Variants in ALG14 observed in about 807,000 individuals in gnomAD.
The protein encoded by ALG14 is UDP-N-acetylglucosamine transferase subunit ALG14.
In ALG14, 17 loss-of-function variants were observed where a neutral mutation model predicts 22.8. That is an observed-to-expected ratio of 0.75 (90% CI 0.51 to 1.12). The LOEUF (loss-of-function observed/expected upper bound fraction) is 1.12. Ranked by LOEUF, ALG14 falls within the 50% of genes most tolerant of loss-of-function variation. The pLI, the probability that ALG14 is intolerant of heterozygous loss-of-function variation, is 0.00. For synonymous variants in ALG14, 89 were observed against 103.7 expected (o/e 0.86, Z 0.86); for missense variants, 288 against 271.8 (o/e 1.06, Z -0.42).
chr1:95,054,178 T>C (rs2100819407), intron 2 of ALG14, among the ~76,000 whole-genome samples: 1 of 152,294 alleles, frequency 6.6e-6, no homozygotes, highest in Non-Finnish European at 1.5e-5. Flanking sequence ...TAGATCTGTG[T>C]CCCCACCAAA....
At chr1:95,062,454 C>G (rs932448747) in intron 2 of ALG14, among the ~76,000 whole-genome samples, 1 of 152,144 alleles carries the variant, frequency 6.6e-6, no homozygotes, top group East Asian at 1.9e-4. Context: ...CTCCCCCAAC[C>G]CCTCCCTTCA....
At chr1:95,047,810 T>C (rs933409321) in intron 2 of ALG14, among the ~76,000 whole-genome samples, 2 of 152,018 alleles carry the variant, frequency 1.3e-5, no homozygotes, top group African/African-American at 4.8e-5. Context: ...CAAGACCCCA[T>C]CTCTACAAAA....
At position 95,026,442 on chromosome 1, in the gene ALG14, TAGAC is replaced by T. The variant is rs1389655156; in HGVS notation, c.420+683_420+686del. 8.0e-5 allele frequency among the ~76,000 whole-genome samples: 12 copies of T among 150,444 alleles called. No individual in the cohort carries two copies. In the East Asian group the frequency reaches 2.4e-3, roughly 30 times the overall value. On this transcript the variant is annotated intron_variant, in intron 3 of 3. Transcript: ENST00000370205. ...CTAATTTCAATATTGTTGTGTCTCA[TAGAC>T]AGGGAAGCCCAAGGAATGTGTGTGT...
At chr1:95,055,593 T>C (rs1252718804) in intron 2 of ALG14, among the ~76,000 whole-genome samples, 1 of 151,922 alleles carries the variant, frequency 6.6e-6, no homozygotes, top group Non-Finnish European at 1.5e-5. Context: ...ATATAAGTTC[T>C]CCCCAAACTG....
At chr1:95,023,134 A>C (rs1004792427) in intron 3 of ALG14, among the ~76,000 whole-genome samples, 1 of 151,418 alleles carries the variant, frequency 6.6e-6, no homozygotes, top group Non-Finnish European at 1.5e-5. Context: ...CCATGTCATC[A>C]ACTTTTTTTT....
chr1:95,071,629 T>G (rs1311575749), intron 1 of ALG14, among the ~76,000 whole-genome samples: 1 of 152,224 alleles, frequency 6.6e-6, no homozygotes, highest in Non-Finnish European at 1.5e-5. Flanking sequence ...GATAGTGTTC[T>G]CTCAACTCTG....
Position 94,975,512 on chromosome 1 carries a change from G to C in ALG14, c.*7564C>G, listed in dbSNP as rs2100699506. 6.6e-6 allele frequency: 1 copy of C among 152,330 alleles called. No individual in the cohort carries two copies. The highest frequency in any genetic ancestry group is 3.4e-3 in the Middle Eastern group (1 of 294). 9.4% of individuals were successfully genotyped at this position (152,330 alleles called of 1,614,324 possible). ...TCTCCAGGGTATACACCTATGGGTAGAATTTCTGGGTCATATGATAACCCT... is the reference window on the plus strand; with the variant it reads ...TCTCCAGGGTATACACCTATGGGTACAATTTCTGGGTCATATGATAACCCT... On this transcript the variant is annotated 3_prime_UTR_variant, in exon 4 of 4. Coordinates refer to ENST00000370205, the MANE Select transcript of ALG14 (RefSeq NM_144988.4).
At chr1:95,009,660 T>C (rs1330989847) in intron 3 of ALG14, among the ~76,000 whole-genome samples, 1 of 152,174 alleles carries the variant, frequency 6.6e-6, no homozygotes, top group African/African-American at 2.4e-5. Flanking sequence ...TCATGAAAGA[T>C]AAGGCAAGAC....
chr1:95,038,071 G>C (rs775930801), intron 2 of ALG14, among the ~76,000 whole-genome samples: 1 of 152,244 alleles, frequency 6.6e-6, no homozygotes, highest in Non-Finnish European at 1.5e-5. Flanking sequence ...ACCAGGTGCG[G>C]TGGTTCACAC....
chr1:95,017,356 A>T (rs1359265568), intron 3 of ALG14, among the ~76,000 whole-genome samples: 3 of 151,308 alleles, frequency 2.0e-5, no homozygotes, highest in African/African-American at 7.3e-5. Flanking sequence ...TCACTGTGCT[A>T]GGAAAAAAAA....
At chr1:95,010,062 A>C (rs1196986908) in intron 3 of ALG14, among the ~76,000 whole-genome samples, 1 of 152,172 alleles carries the variant, frequency 6.6e-6, no homozygotes, top group Non-Finnish European at 1.5e-5. Flanking sequence ...ATGATCCATG[A>C]ATGAGCCTCC....
chr1:95,021,230 T>A (rs1273552732), intron 3 of ALG14, among the ~76,000 whole-genome samples: 5 of 152,140 alleles, frequency 3.3e-5, no homozygotes, highest in Admixed American at 2.6e-4. Flanking sequence ...CTAATCTCTC[T>A]CCTACCCAGA....
At chr1:94,995,038 T>G (rs1672873502) in intron 3 of ALG14, among the ~76,000 whole-genome samples, 1 of 152,218 alleles carries the variant, frequency 6.6e-6, no homozygotes, top group Non-Finnish European at 1.5e-5. Context: ...CTCTCTTAAG[T>G]AGGTAAGTGA....
chr1:95,072,391 G>A (rs143009784), intron 1 of ALG14, among the ~76,000 whole-genome samples: 64 of 152,244 alleles, frequency 4.2e-4, no homozygotes, highest in South Asian at 1.7e-3. Flanking sequence ...TTGTCATGTA[G>A]CATTCGTGTT....
At chr1:95,051,975 G>C (rs1674766592) in intron 2 of ALG14, among the ~76,000 whole-genome samples, 1 of 152,124 alleles carries the variant, frequency 6.6e-6, no homozygotes, top group Non-Finnish European at 1.5e-5. Context: ...CCCGCCACTA[G>C]AATGTAGCCT....
At chr1:94,984,259 A>G (rs781599617) in intron 3 of ALG14, among the ~76,000 whole-genome samples, 2 of 152,178 alleles carry the variant, frequency 1.3e-5, no homozygotes, top group Non-Finnish European at 2.9e-5. Flanking sequence ...GGCATGCTCT[A>G]TGTCACATGA....
chr1:95,011,061 A>G (rs528818881), intron 3 of ALG14, among the ~76,000 whole-genome samples: 3 of 152,322 alleles, frequency 2.0e-5, no homozygotes, highest in African/African-American at 7.2e-5. Context: ...TCAAGAAAAG[A>G]ATGATAAATA....
intron 3 of ALG14, among the ~76,000 whole-genome samples, chr1:95,014,058 C>T (rs1310264055): frequency 3.9e-5 from 6 of 152,006 alleles, no homozygotes; most frequent in African/African-American, 1.4e-4. Context: ...TATTTAGAAT[C>T]ATTCCCAGAA....
Position 94,983,022 on chromosome 1 carries a change from T to C in ALG14, c.*54A>G, listed in dbSNP as rs79206206. Reference sequence around the variant, plus strand: ...CATGTAGGGTTTTTTTCCCCCCAATTTGAGTACATACTACTGTTAACTGCA... The same window carrying C: ...CATGTAGGGTTTTTTTCCCCCCAATCTGAGTACATACTACTGTTAACTGCA... On this transcript the variant is annotated 3_prime_UTR_variant, in exon 4 of 4. Coordinates refer to ENST00000370205, the MANE Select transcript of ALG14 (RefSeq NM_144988.4). The C allele has an allele frequency of 1.8e-3, 2,715 of 1,490,716 alleles. 7 individuals are homozygous for C. The highest frequency in any genetic ancestry group is 4.7e-3 in the Middle Eastern group (27 of 5,770). The allele number at this position is 1,490,716 out of a possible 1,614,324, so 92.3% of individuals were successfully genotyped here.
Sources: gnomAD v4.1 joint callset for allele counts (sites outside exome capture counted in the v4.1 genomes callset) on GRCh38, gnomAD v4.1.1 for gene constraint, MANE v1.5 for transcripts, NCBI Gene and HGNC (gene_info 2026-07-23, HGNC 2026-07-21) for gene names.